Variants in MGAT4C observed in about 807,000 individuals in gnomAD.
MGAT4C encodes alpha-1,3-mannosyl-glycoprotein 4-beta-N-acetylglucosaminyltransferase C.
A neutral mutation model predicts 40.1 loss-of-function variants in MGAT4C; 19 were observed. The observed-to-expected ratio is 0.47, with a 90% CI of 0.33 to 0.70. The LOEUF (loss-of-function observed/expected upper bound fraction) is 0.70, where lower values mean the gene tolerates loss of function less well. Among genes scored for constraint, MGAT4C ranks in the 30% least tolerant of loss-of-function variants. The pLI, the probability that MGAT4C is intolerant of heterozygous loss-of-function variation, is 0.02. For synonymous variants in MGAT4C, 181 were observed against 187.1 expected (o/e 0.97, Z 0.27); for missense variants, 491 against 563.2 (o/e 0.87, Z 1.30).
At chr12:86,838,846 GC>G, upstream of MGAT4C, 1 of 152,218 alleles carries the variant, frequency 6.6e-6, no homozygotes, top group Non-Finnish European at 1.5e-5. Context: ...ATCCCGGGTT[GC>G]ATTCTGTTCC....
chr12:86,611,767 AT>A (rs1962291647), intron 2 of MGAT4C, among the ~76,000 whole-genome samples: 4 of 152,006 alleles, frequency 2.6e-5, no homozygotes. Flanking sequence ...TATGGTGTTT[AT>A]TTTCAATGTG....
chr12:86,125,062 T>C (rs1323168433), intron 1 of MGAT4C, among the ~76,000 whole-genome samples: 1 of 152,194 alleles, frequency 6.6e-6, no homozygotes, highest in Non-Finnish European at 1.5e-5. Context: ...CAACTGCTCT[T>C]ATCAGGAAAG....
intron 2 of MGAT4C, among the ~76,000 whole-genome samples, chr12:86,541,159 C>T (rs1049505404): frequency 6.6e-6 from 1 of 152,162 alleles, no homozygotes. Context: ...CCTTTCCTAT[C>T]CTTCATGTTG....
intron 2 of MGAT4C, among the ~76,000 whole-genome samples, chr12:86,462,085 G>T (rs751122151): frequency 2.0e-5 from 3 of 152,158 alleles, no homozygotes; most frequent in Non-Finnish European, 2.9e-5. Context: ...ATGGCGAAAA[G>T]CTCAGCTTAA....
chr12:86,077,902 T>C (rs1001122571), intron 1 of MGAT4C, among the ~76,000 whole-genome samples: 7 of 152,204 alleles, frequency 4.6e-5, no homozygotes, highest in African/African-American at 1.7e-4. Context: ...TCTTAGCCTG[T>C]TGACTTAAAT....
intron 2 of MGAT4C, among the ~76,000 whole-genome samples, chr12:86,609,752 T>G (rs1392536211): frequency 6.6e-6 from 1 of 150,858 alleles, no homozygotes; most frequent in Non-Finnish European, 1.5e-5. Context: ...TTGAGAAATA[T>G]GTACAGTTTT....
rs142615826 is a variant in MGAT4C at position 86,038,286 on chromosome 12, G to A, written c.-7+11388C>T. Among the ~76,000 whole-genome samples, 3 of 149,628 alleles carry A rather than the reference G, an allele frequency of 2.0e-5. 1 individual carries two copies. Among genetic ancestry groups the A allele is most frequent in the African/African-American group, 7.3e-5 (3 of 41,298 alleles). On this transcript the variant is annotated intron_variant, in intron 2 of 4. Coordinates refer to ENST00000611864, the MANE Select transcript of MGAT4C (RefSeq NM_001351288.2). ...AGTCTAGACTCATTCCAGATGCCAC[G>A]AGCGGTTTATGCCCTGAGCCCTGGA... is the stretch of plus-strand genomic sequence containing the variant.
intron 2 of MGAT4C, among the ~76,000 whole-genome samples, chr12:86,012,941 T>C (rs1888654333): frequency 6.7e-6 from 1 of 149,096 alleles, no homozygotes; most frequent in Non-Finnish European, 1.5e-5. Flanking sequence ...GTGGGCAACG[T>C]AGTGAGGCAT....
chr12:86,689,976 A>T (rs931571007), intron 2 of MGAT4C, among the ~76,000 whole-genome samples: 3 of 152,172 alleles, frequency 2.0e-5, no homozygotes, highest in Non-Finnish European at 4.4e-5. Flanking sequence ...CAAGCCCCTG[A>T]TTGAGGCTGC....
intron 2 of MGAT4C, chr12:86,011,721 A>C (rs1187399685): frequency 2.0e-6 from 1 of 502,856 alleles, no homozygotes; most frequent in East Asian, 1.5e-4. Flanking sequence ...AGTGTAAAAA[A>C]AGTATGTTAA....
chr12:86,233,057 T>C lies in MGAT4C; in HGVS notation c.-57+23182A>G, dbSNP rs576958898. Reference sequence around the variant, plus strand: ...TGAAAAGATTCAATGAGGCAGGTAATCGCTGAGGCAGTCTCTAGGTTATTC... The same window carrying C: ...TGAAAAGATTCAATGAGGCAGGTAACCGCTGAGGCAGTCTCTAGGTTATTC... On this transcript the variant is annotated intron_variant, in intron 1 of 4. Coordinates refer to ENST00000611864, the MANE Select transcript of MGAT4C (RefSeq NM_001351288.2). 3.3e-5 allele frequency among the ~76,000 whole-genome samples: 5 copies of C among 152,214 alleles called. No homozygotes were observed. The South Asian group carries it at 1.0e-3, about 31-fold the overall frequency.
At chr12:86,351,509 A>C (rs1456053024) in intron 3 of MGAT4C, among the ~76,000 whole-genome samples, 2 of 152,018 alleles carry the variant, frequency 1.3e-5, no homozygotes, top group East Asian at 3.9e-4. Flanking sequence ...ATCACACATA[A>C]TCCTATTATC....
chr12:86,512,842 C>A (rs1393308146), intron 2 of MGAT4C, among the ~76,000 whole-genome samples: 1 of 151,938 alleles, frequency 6.6e-6, no homozygotes, highest in African/African-American at 2.4e-5. Context: ...ATAATAAGTT[C>A]AAAGATTTGC....
chr12:86,632,727 G>T (rs1002035414), intron 2 of MGAT4C, among the ~76,000 whole-genome samples: 5 of 149,186 alleles, frequency 3.4e-5, no homozygotes, highest in African/African-American at 1.2e-4. Context: ...TGGACACAGG[G>T]TGTGGAACAT....
At chr12:86,324,236 C>T (rs1954467832) in intron 4 of MGAT4C, among the ~76,000 whole-genome samples, 1 of 151,874 alleles carries the variant, frequency 6.6e-6, no homozygotes, top group Non-Finnish European at 1.5e-5. Context: ...GGCAGATTCT[C>T]ATGGGTGGTA....
chr12:86,748,451 C>T (rs1347978948), intron 1 of MGAT4C, among the ~76,000 whole-genome samples: 1 of 151,662 alleles, frequency 6.6e-6, no homozygotes, highest in East Asian at 1.9e-4. Context: ...GCTCATGTAC[C>T]TAACATGCAA....
chr12:86,134,948 A>C (rs1881736813), intron 1 of MGAT4C, among the ~76,000 whole-genome samples: 1 of 152,158 alleles, frequency 6.6e-6, no homozygotes, highest in African/African-American at 2.4e-5. Context: ...GGTATTATTC[A>C]TGGTATTTCA....
chr12:86,383,468 C>T (rs1955987947), intron 3 of MGAT4C, among the ~76,000 whole-genome samples: 2 of 131,460 alleles, frequency 1.5e-5, no homozygotes. Flanking sequence ...AGGAGAATCG[C>T]TTGAACCTGG....
In MGAT4C at chr12:86,251,555, C is replaced by T. The variant is rs572793010; in HGVS notation, c.-57+4684G>A. Among the ~76,000 whole-genome samples the T allele has an allele frequency of 2.0e-5, 3 of 152,112 alleles. No individual in the cohort carries two copies. In the South Asian group the frequency reaches 6.2e-4, roughly 32 times the overall value. On this transcript the variant is annotated intron_variant, in intron 1 of 4. Transcript: ENST00000611864. Reference sequence around the variant, plus strand: ...TAGCATGATCATAGCCTCTTCTGTACTTCAAATGGAGAAAAGTTGCTGGAA... The same window carrying T: ...TAGCATGATCATAGCCTCTTCTGTATTTCAAATGGAGAAAAGTTGCTGGAA...
Sources: allele counts gnomAD v4.1 joint callset (sites outside exome capture counted in the v4.1 genomes callset), GRCh38; gene constraint gnomAD v4.1.1; transcripts MANE v1.5; gene names NCBI Gene and HGNC (gene_info 2026-07-23, HGNC 2026-07-21).